The following GARRE1 variants were observed in gnomAD, a reference collection of about 807,000 sequenced individuals.
GARRE1 encodes granule associated Rac and RHOG effector 1, also known as granule associated Rac and RHOG effector protein 1.
A neutral mutation model predicts 103.2 loss-of-function variants in GARRE1; 49 were observed. The observed-to-expected ratio is 0.47, with a 90% confidence interval of 0.38 to 0.60. GARRE1 has a LOEUF of 0.60. Among genes scored for constraint, GARRE1 ranks in the 20% least tolerant of loss-of-function variants. The pLI, the probability that GARRE1 is intolerant of heterozygous loss-of-function variation, is 0.00. For synonymous variants in GARRE1, 505 were observed against 532.8 expected, an observed-to-expected ratio of 0.95 and a Z score of 0.72; for missense variants, 1,199 against 1,370.5, an observed-to-expected ratio of 0.87 and a Z score of 1.98.
At position 34,262,287 on chromosome 19, in the gene GARRE1, C is replaced by CTTTTTTT. The variant is rs1018456778; in HGVS notation, c.-796+7695_-796+7701dup. ...AGTGAGCCACCATGCCCAGCTGCTG[C>CTTTTTTT]TTTTTTTTTTTTTTTTTTTTTTTTT... On this transcript the variant is annotated intron_variant, in intron 1 of 13. Coordinates refer to ENST00000299505, the MANE Select transcript of GARRE1 (RefSeq NM_014686.5). Among the ~76,000 whole-genome samples, 42 of 35,764 alleles carry CTTTTTTT rather than the reference C, an allele frequency of 1.2e-3. 15 individuals carry two copies. Among genetic ancestry groups the CTTTTTTT allele is most frequent in the Non-Finnish European group, 1.7e-3 (30 of 18,174 alleles). The allele number at this position is 35,764 out of a possible 152,430, so 23.5% of individuals were successfully genotyped here.
At chr19:34,333,870 C>A in intron 8 of GARRE1, 69 bp downstream of exon 8, 1 of 974,950 alleles carries the variant, frequency 1.0e-6, no homozygotes, top group Non-Finnish European at 1.7e-6. Flanking sequence ...GAAATGATGG[C>A]CTTGTTTTGA....
chr19:34,312,487 T>A (rs1280140989), intron 2 of GARRE1, among the ~76,000 whole-genome samples: 1 of 152,196 alleles, frequency 6.6e-6, no homozygotes, highest in Admixed American at 6.5e-5. Flanking sequence ...ACGAACATTC[T>A]TTCTACCTCT....
At chr19:34,308,391 G>A (rs183274670) in intron 2 of GARRE1, among the ~76,000 whole-genome samples, 17 of 152,222 alleles carry the variant, frequency 1.1e-4, no homozygotes, top group Admixed American at 3.9e-4. Context: ...AGAAACTGAA[G>A]TTCACCTCAT....
chr19:34,341,314 C>A, intron 9 of GARRE1, 108 bp from the exon 10 acceptor site: 2 of 889,610 alleles, frequency 2.2e-6, no homozygotes, highest in Non-Finnish European at 3.5e-6. Context: ...CGATACCAAC[C>A]TGAGAGGTTT....
At position 34,320,066 on chromosome 19, in the gene GARRE1, C is replaced by T; in HGVS notation, c.655C>T (p.His219Tyr). The T allele has an allele frequency of 6.2e-7, 1 of 1,614,220 alleles. No individual in the cohort carries two copies. Among genetic ancestry groups the T allele is most frequent in the South Asian group, 1.1e-5 (1 of 91,086 alleles). ...GSGGGLSGMGHTPEVEEAVRS... is the reference protein window; with the variant it reads ...GSGGGLSGMGYTPEVEEAVRS... Reference sequence around the variant, plus strand: ...TGGCGGCGGCTTATCTGGCATGGGCCACACACCTGAAGTAGAGGAAGCTGT... The same window carrying T: ...TGGCGGCGGCTTATCTGGCATGGGCTACACACCTGAAGTAGAGGAAGCTGT... The change falls in exon 3 of 14, where the codon CAC becomes TAC. Residue 219 changes from histidine to tyrosine, a missense_variant. Physicochemically the swap from His to Tyr is moderately conservative, Grantham distance 83 (BLOSUM62 2). Coordinates refer to ENST00000299505, the MANE Select transcript of GARRE1 (RefSeq NM_014686.5).
At position 34,341,674 on chromosome 19, in the gene GARRE1, G is replaced by GT. The variant is rs2074186117; in HGVS notation, c.1740_1741insT (p.Pro581SerfsTer5). On this transcript the variant is annotated frameshift_variant, in exon 10 of 14. Coordinates refer to ENST00000299505, the MANE Select transcript of GARRE1 (RefSeq NM_014686.5). LOFTEE classifies it high-confidence loss of function. ...GATGTTCCGAAGAGAAGGCCAAAAT[G>GT]CCTGGCAATATTGATACAAGGTTAC... 2 of 1,614,046 alleles carry GT rather than the reference G, an allele frequency of 1.2e-6. No homozygotes were observed. Among genetic ancestry groups the GT allele is most frequent in the Non-Finnish European group, 1.7e-6 (2 of 1,180,024 alleles).
In GARRE1 at chr19:34,328,006, C is replaced by T. The variant is rs753985654; in HGVS notation, c.959C>T (p.Ala320Val). ...CTTTTCCAGGGCTGCTGCAGCGAGG[C>T]GGAAGCCCAGCAGACGGGGCGGAGG... ...EASLQGCCSEAEAQQTGRRQT... is the reference protein window; with the variant it reads ...EASLQGCCSEVEAQQTGRRQT... Residue 320 changes from alanine (A) to valine (V), a missense_variant, in exon 6 of 14, where the codon GCG becomes GTG. Physicochemically the swap from Ala to Val is moderately conservative, Grantham distance 64. Coordinates refer to ENST00000299505, the MANE Select transcript of GARRE1 (RefSeq NM_014686.5). 35 of 1,614,154 alleles carry T rather than the reference C, an allele frequency of 2.2e-5. No individual in the cohort carries two copies. Among genetic ancestry groups the T allele is most frequent in the Admixed American group, 3.3e-5 (2 of 60,018 alleles).
At chr19:34,300,998 A>C in intron 2 of GARRE1, 30 bp downstream of exon 2, 1 of 1,569,332 alleles carries the variant, frequency 6.4e-7, no homozygotes, top group East Asian at 2.2e-5. Context: ...ATACTTGTGT[A>C]GGAAAATATA....
chr19:34,277,066 AGT>A (rs147729181), intron 1 of GARRE1, among the ~76,000 whole-genome samples: 2,858 of 152,220 alleles, frequency 0.019, 96 homozygotes, highest in African/African-American at 0.065. Context: ...GAGCATCATG[AGT>A]AGGAGGGAGG....
At chr19:34,272,848 G>T (rs1290265991) in intron 1 of GARRE1, among the ~76,000 whole-genome samples, 1 of 152,198 alleles carries the variant, frequency 6.6e-6, no homozygotes, top group African/African-American at 2.4e-5. Context: ...AGAACATGAA[G>T]AACTCACTTC....
chr19:34,284,022 G>A (rs1299168962), intron 1 of GARRE1, among the ~76,000 whole-genome samples: 1 of 151,316 alleles, frequency 6.6e-6, no homozygotes, highest in Non-Finnish European at 1.5e-5. Context: ...AGTAGAGACG[G>A]GGTTTCACCG....
At chr19:34,269,062 A>T (rs958574897) in intron 1 of GARRE1, among the ~76,000 whole-genome samples, 1 of 152,144 alleles carries the variant, frequency 6.6e-6, no homozygotes, top group Non-Finnish European at 1.5e-5. Flanking sequence ...GGCTCTGTTG[A>T]CCTTGCGGTT....
intron 8 of GARRE1, among the ~76,000 whole-genome samples, chr19:34,336,043 T>C (rs1482373911): frequency 6.6e-6 from 1 of 152,118 alleles, no homozygotes; most frequent in African/African-American, 2.4e-5. Context: ...CAGACTGCAG[T>C]GCAGTGGTGT....
intron 2 of GARRE1, among the ~76,000 whole-genome samples, chr19:34,311,010 G>A (rs781195358): frequency 7.4e-5 from 11 of 148,956 alleles, no homozygotes; most frequent in Admixed American, 2.0e-4. Flanking sequence ...CCGCCCCCCC[G>A]CAAGACAGGG....
At chr19:34,321,922 G>A (rs2074090887) in intron 3 of GARRE1, among the ~76,000 whole-genome samples, 1 of 152,164 alleles carries the variant, frequency 6.6e-6, no homozygotes, top group Non-Finnish European at 1.5e-5. Context: ...GGTATGGCAT[G>A]GTCATCAGGG....
At chr19:34,274,806 C>T (rs907727889) in intron 1 of GARRE1, among the ~76,000 whole-genome samples, 5 of 152,182 alleles carry the variant, frequency 3.3e-5, no homozygotes, top group Admixed American at 1.3e-4. Flanking sequence ...GTGTTAGCAG[C>T]TTACAGAGTT....
At chr19:34,260,297 G>A (rs1466138346) in intron 1 of GARRE1, among the ~76,000 whole-genome samples, 4 of 152,164 alleles carry the variant, frequency 2.6e-5, no homozygotes, top group Non-Finnish European at 5.9e-5. Flanking sequence ...TTGTGACAAT[G>A]CGATTGCATA....
At chr19:34,351,716 C>G in intron 13 of GARRE1, 124 bp downstream of exon 13, 1 of 688,830 alleles carries the variant, frequency 1.5e-6, no homozygotes, top group Non-Finnish European at 2.6e-6. Context: ...GATTAGCCAC[C>G]TCAGCTGACT....
At chr19:34,308,927 G>A (rs997434224) in intron 2 of GARRE1, among the ~76,000 whole-genome samples, 3 of 152,094 alleles carry the variant, frequency 2.0e-5, no homozygotes, top group African/African-American at 7.2e-5. Context: ...CTGAGGAACC[G>A]CATTTGGGAG....
Sources: gnomAD v4.1 joint callset for allele counts (sites outside exome capture counted in the v4.1 genomes callset) on GRCh38, gnomAD v4.1.1 for gene constraint, MANE v1.5 for transcripts, NCBI Gene and HGNC (gene_info 2026-07-23, HGNC 2026-07-21) for gene names.